NRG3: variants seen among roughly 807,000 people sequenced by gnomAD.
The protein encoded by NRG3 is neuregulin 3.
Under a neutral mutation model 66.9 loss-of-function variants are expected in NRG3, and 31 were observed. The observed-to-expected ratio is 0.46, with a 90% CI of 0.35 to 0.63. The LOEUF (loss-of-function observed/expected upper bound fraction) is 0.63. Ranked by LOEUF, NRG3 falls within the 20% of genes least tolerant of loss-of-function variation. The pLI is 0.00. For missense variants in NRG3, 910 were observed against 878.9 expected, an observed-to-expected ratio of 1.04 and a Z score of -0.45; for synonymous variants, 393 against 359.4, an observed-to-expected ratio of 1.09 and a Z score of -1.06.
chr10:82,044,618 C>T (rs7082463), intron 1 of NRG3, among the ~76,000 whole-genome samples: 130,770 of 151,778 alleles, frequency 0.86, 58,265 homozygotes, highest in South Asian at 0.99. Flanking sequence ...GGTACATGTG[C>T]ACAATGTGCA....
intron 1 of NRG3, among the ~76,000 whole-genome samples, chr10:82,356,477 T>C (rs1307862687): frequency 6.6e-6 from 1 of 152,242 alleles, no homozygotes; most frequent in Non-Finnish European, 1.5e-5. Flanking sequence ...GAATTTTAAA[T>C]ATTTCCCATA....
intron 1 of NRG3, among the ~76,000 whole-genome samples, chr10:82,028,097 A>G (rs772594695): frequency 6.6e-6 from 1 of 152,142 alleles, no homozygotes; most frequent in Non-Finnish European, 1.5e-5. Context: ...GGAAGTAAGT[A>G]AGAAGAGTAG....
intron 1 of NRG3, among the ~76,000 whole-genome samples, chr10:82,311,923 G>A (rs1462603506): frequency 6.6e-6 from 1 of 152,064 alleles, no homozygotes; most frequent in Non-Finnish European, 1.5e-5. Context: ...CCACCTCATC[G>A]TGATTACAGA....
chr10:82,003,230 A>G (rs997437493), intron 1 of NRG3, among the ~76,000 whole-genome samples: 2 of 152,214 alleles, frequency 1.3e-5, no homozygotes, highest in East Asian at 3.9e-4. Context: ...CATGGGCAGA[A>G]TCATGAGTTT....
chr10:82,648,324 G>A (rs979070294), intron 2 of NRG3, among the ~76,000 whole-genome samples: 12 of 151,920 alleles, frequency 7.9e-5, no homozygotes, highest in African/African-American at 2.2e-4. Context: ...TAGATATGCG[G>A]CATTATTTCT....
intron 2 of NRG3, among the ~76,000 whole-genome samples, chr10:82,419,543 G>C (rs570589313): frequency 1.3e-5 from 2 of 151,484 alleles, no homozygotes; most frequent in African/African-American, 4.9e-5. Context: ...TTTTTCTCCC[G>C]CCCAAAAAGT....
chr10:81,906,849 G>A (rs1488497564), intron 1 of NRG3, among the ~76,000 whole-genome samples: 2 of 152,116 alleles, frequency 1.3e-5, no homozygotes, highest in Non-Finnish European at 2.9e-5. Context: ...CAAAGGAGCG[G>A]GTGTGAGGAG....
intron 3 of NRG3, among the ~76,000 whole-genome samples, chr10:82,805,918 C>A (rs1056486704): frequency 1.4e-4 from 21 of 152,124 alleles, no homozygotes; most frequent in African/African-American, 5.1e-4. Context: ...TTTAGTATGT[C>A]ACTTCTATTG....
chr10:82,689,780 A>C (rs1409064244), intron 2 of NRG3, among the ~76,000 whole-genome samples: 2 of 152,226 alleles, frequency 1.3e-5, no homozygotes, highest in Non-Finnish European at 2.9e-5. Flanking sequence ...AGTGAAGTAC[A>C]ATGAATGAAG....
At chr10:82,159,808 TAAG>T (rs2071446222) in intron 1 of NRG3, among the ~76,000 whole-genome samples, 1 of 151,766 alleles carries the variant, frequency 6.6e-6, no homozygotes, top group African/African-American at 2.4e-5. Context: ...AAAATACAAA[TAAG>T]AAGAAGTCAC....
At chr10:82,030,672 C>T (rs1302818674) in intron 1 of NRG3, among the ~76,000 whole-genome samples, 3 of 149,704 alleles carry the variant, frequency 2.0e-5, no homozygotes, top group Admixed American at 6.7e-5. Flanking sequence ...TGGAATTATG[C>T]ACTTCCCAAC....
Position 82,543,579 on chromosome 10 carries a change from T to A in NRG3, c.953+184711T>A, listed in dbSNP as rs556013262. ...ATTGAATTTACAAGTTTATGGAGTC[T>A]GTTACCTGAGAGTTAGAAAAGATAA... On this transcript the variant is annotated intron_variant, in intron 2 of 8. Transcript: ENST00000372141. 2.6e-5 allele frequency among the ~76,000 whole-genome samples: 4 copies of A among 152,330 alleles called. No homozygotes were observed. In the South Asian group the frequency reaches 8.3e-4, roughly 32 times the overall value.
chr10:82,068,031 T>G (rs2064587637), intron 1 of NRG3, among the ~76,000 whole-genome samples: 1 of 152,234 alleles, frequency 6.6e-6, no homozygotes, highest in South Asian at 2.1e-4. Context: ...AGTAATGATC[T>G]TGAACAGTAC....
At chr10:82,557,397 GC>G (rs1415765434) in intron 2 of NRG3, among the ~76,000 whole-genome samples, 1 of 151,948 alleles carries the variant, frequency 6.6e-6, no homozygotes, top group East Asian at 1.9e-4. Flanking sequence ...GTGATATTGA[GC>G]TTTTTTTTCA....
At chr10:82,189,152 C>G (rs535390213) in intron 1 of NRG3, among the ~76,000 whole-genome samples, 5 of 152,244 alleles carry the variant, frequency 3.3e-5, no homozygotes, top group Admixed American at 6.5e-5. Context: ...TCCTTTTACT[C>G]TCTGTGTCCT....
chr10:82,897,681 G>A (rs1432912868), intron 4 of NRG3, among the ~76,000 whole-genome samples: 1 of 152,032 alleles, frequency 6.6e-6, no homozygotes, highest in East Asian at 1.9e-4. Context: ...ACAATGCCCA[G>A]CTAATTGTTG....
intron 4 of NRG3, among the ~76,000 whole-genome samples, chr10:82,900,271 AT>A (rs1205577445): frequency 3.9e-5 from 6 of 152,180 alleles, no homozygotes; most frequent in African/African-American, 1.4e-4. Context: ...ACATTTCAAC[AT>A]GAGATTTGGG....
Position 82,721,123 on chromosome 10 carries a change from CTTTTTTTTT to C in NRG3, c.954-17436_954-17428del, listed in dbSNP as rs531541747. On this transcript the variant is annotated intron_variant, in intron 2 of 8. Transcript: ENST00000372141. ...ATTTATTTTGAAACAGAGTTTCACC[CTTTTTTTTT>C]TTTTTTTTTTTTTTTTTGAGATGGA... Among the ~76,000 whole-genome samples the C allele has an allele frequency of 8.4e-5, 4 of 47,896 alleles. 1 individual carries two copies. Among genetic ancestry groups the C allele is most frequent in the Admixed American group, 3.6e-4 (1 of 2,756 alleles). 31.4% of individuals were successfully genotyped at this position (47,896 alleles called of 152,430 possible). A position where few individuals can be genotyped will look rare whatever the true frequency, so the allele number is the denominator to read the frequency against.
chr10:82,007,241 G>A (rs909442261), intron 1 of NRG3, among the ~76,000 whole-genome samples: 2 of 120,000 alleles, frequency 1.7e-5, no homozygotes, highest in Non-Finnish European at 3.3e-5. Flanking sequence ...ACAGAGTCTT[G>A]CACTGTCGCC....
Sources: gnomAD v4.1 joint callset for allele counts (sites outside exome capture counted in the v4.1 genomes callset) on GRCh38, gnomAD v4.1.1 for gene constraint, MANE v1.5 for transcripts, NCBI Gene and HGNC (gene_info 2026-07-23, HGNC 2026-07-21) for gene names.